The following JAKMIP2 variants were observed in gnomAD, a reference collection of about 807,000 sequenced individuals.
JAKMIP2 encodes the protein janus kinase and microtubule interacting protein 2.
JAKMIP2 carries 25 observed loss-of-function variants against 115.0 expected under a neutral mutation model. That is an observed-to-expected ratio of 0.22 (90% CI 0.16 to 0.30). The LOEUF (loss-of-function observed/expected upper bound fraction) is 0.30, where lower values mean the gene tolerates loss of function less well. JAKMIP2 is among the 10% of genes least tolerant of loss of function. JAKMIP2 has a pLI of 1.00. For synonymous variants in JAKMIP2, 334 were observed against 343.6 expected, an observed-to-expected ratio of 0.97 and a Z score of 0.31; for missense variants, 642 against 957.6, an observed-to-expected ratio of 0.67 and a Z score of 4.35.
At chr5:147,617,681 G>T (rs772150740) in intron 19 of JAKMIP2, among the ~76,000 whole-genome samples, 17 of 152,214 alleles carry the variant, frequency 1.1e-4, no homozygotes, top group Non-Finnish European at 1.5e-5. Context: ...TCTAAAAATA[G>T]TAGCAGTATT....
At chr5:147,695,283 A>G (rs577677978) in intron 1 of JAKMIP2, among the ~76,000 whole-genome samples, 8 of 152,306 alleles carry the variant, frequency 5.3e-5, no homozygotes, top group African/African-American at 1.9e-4. Context: ...CTAAAAAAGA[A>G]AAGAAAATTG....
chr5:147,621,391 A>G (rs1756841001), intron 17 of JAKMIP2, among the ~76,000 whole-genome samples: 2 of 152,160 alleles, frequency 1.3e-5, no homozygotes, highest in Non-Finnish European at 2.9e-5. Context: ...GCACAAGTCA[A>G]TTGTTTCTTT....
intron 1 of JAKMIP2, among the ~76,000 whole-genome samples, chr5:147,750,594 A>AC (rs1561575467): frequency 7.9e-5 from 12 of 151,324 alleles, no homozygotes; most frequent in Non-Finnish European, 1.5e-4. Flanking sequence ...ACACACACAC[A>AC]AAAGAAACCT....
intron 3 of JAKMIP2, among the ~76,000 whole-genome samples, chr5:147,657,002 G>T (rs967389193): frequency 6.6e-6 from 1 of 152,128 alleles, no homozygotes; most frequent in Non-Finnish European, 1.5e-5. Flanking sequence ...GTTGATGGCT[G>T]GGCACTGTGG....
intron 16 of JAKMIP2, among the ~76,000 whole-genome samples, chr5:147,626,000 T>C (rs1364073793): frequency 1.3e-5 from 2 of 152,200 alleles, no homozygotes; most frequent in Non-Finnish European, 2.9e-5. Flanking sequence ...TTATTTTTAA[T>C]ACAAAGTGAC....
chr5:147,656,807 T>A (rs1758698661), intron 3 of JAKMIP2, among the ~76,000 whole-genome samples: 1 of 152,226 alleles, frequency 6.6e-6, no homozygotes, highest in African/African-American at 2.4e-5. Flanking sequence ...TTGGTGTGTT[T>A]TTGCAGTGGC....
At chr5:147,781,924 G>A (rs1293705180) in intron 1 of JAKMIP2, among the ~76,000 whole-genome samples, 1 of 152,088 alleles carries the variant, frequency 6.6e-6, no homozygotes, top group African/African-American at 2.4e-5. Flanking sequence ...ATAAAACTGG[G>A]TCTTGCAAAT....
chr5:147,705,346 T>C (rs1752520625), intron 1 of JAKMIP2, among the ~76,000 whole-genome samples: 1 of 152,168 alleles, frequency 6.6e-6, no homozygotes, highest in Non-Finnish European at 1.5e-5. Context: ...CTTATGCCTA[T>C]AATCCTAGCA....
intron 19 of JAKMIP2, 143 bp from the exon 20 acceptor site, chr5:147,612,514 C>A: frequency 1.8e-6 from 1 of 561,948 alleles, no homozygotes; most frequent in South Asian, 2.3e-5. Flanking sequence ...GTATGTTTTC[C>A]CCACCCAAAA....
chr5:147,682,718 G>A (rs573211115), intron 1 of JAKMIP2, among the ~76,000 whole-genome samples: 2 of 152,250 alleles, frequency 1.3e-5, no homozygotes, highest in East Asian at 1.9e-4. Flanking sequence ...GCTTTATTAT[G>A]GGAAATTTCT....
intron 1 of JAKMIP2, among the ~76,000 whole-genome samples, chr5:147,721,022 T>C (rs1189869775): frequency 6.6e-6 from 1 of 151,624 alleles, no homozygotes; most frequent in Non-Finnish European, 1.5e-5. Flanking sequence ...TACAGATGGG[T>C]TTTTGGTGTG....
chr5:147,601,800 T>G lies in JAKMIP2; in HGVS notation c.2424A>C (p.Leu808=). 1.4e-6 allele frequency: 2 copies of G among 1,405,172 alleles called. No homozygotes were observed. The highest frequency in any genetic ancestry group is 2.5e-5 in the South Asian group (2 of 78,562). 87.0% of individuals were successfully genotyped at this position (1,405,172 alleles called of 1,614,324 possible). A position where few individuals can be genotyped will look rare whatever the true frequency, so the allele number is the denominator to read the frequency against. ...IKDLEEKFLF[L]FLFFSLAFIL... ...TAAAGGCAAGAGAGAAGAACAAGAA[T>G]AGAAACAGAAACTGCAGAAGAAAAA... Residue 808 remains leucine, a synonymous_variant, in exon 21 of 22, where the codon CTA becomes CTC. Transcript: ENST00000616793.
intron 1 of JAKMIP2, among the ~76,000 whole-genome samples, chr5:147,731,819 C>A (rs1239394559): frequency 6.6e-6 from 1 of 152,158 alleles, no homozygotes; most frequent in Non-Finnish European, 1.5e-5. Flanking sequence ...CCATCTGGGG[C>A]TGAGGATGAT....
intron 12 of JAKMIP2, among the ~76,000 whole-genome samples, chr5:147,635,216 T>C (rs1757556422): frequency 6.6e-6 from 1 of 152,090 alleles, no homozygotes; most frequent in Non-Finnish European, 1.5e-5. Flanking sequence ...ACTAGATTTG[T>C]AGAAGGTAAA....
rs569496966 is a variant in JAKMIP2 at position 147,620,562 on chromosome 5, C to A, written c.2142+104G>T. On this transcript the variant is annotated intron_variant, in intron 18 of 21. Coordinates refer to ENST00000616793, the MANE Select transcript of JAKMIP2 (RefSeq NM_001270941.2). ...ACCAGTAAATGAATGAACTGCATGT[C>A]GTGATCTATTCAAGTACATAGCATG... 34 of 666,664 alleles carry A rather than the reference C, an allele frequency of 5.1e-5. 1 individual carries two copies. The South Asian group carries it at 5.7e-4, about 11-fold the overall frequency. 41.3% of individuals were successfully genotyped at this position (666,664 alleles called of 1,614,324 possible).
rs1159882736 is a variant in JAKMIP2, at chr5:147,590,466, T to TA, written c.*1240dup. On this transcript the variant is annotated 3_prime_UTR_variant, in exon 22 of 22. Coordinates refer to ENST00000616793, the MANE Select transcript of JAKMIP2 (RefSeq NM_001270941.2). ...TCAGTAACATAATGTTATTTCCATA[T>TA]AAAAAAGTAGAGCTATCTTGTTGCT... 6.6e-6 allele frequency: 1 copy of TA among 152,186 alleles called. No individual in the cohort carries two copies. Among genetic ancestry groups the TA allele is most frequent in the Non-Finnish European group, 1.5e-5 (1 of 68,024 alleles). 9.4% of individuals were successfully genotyped at this position (152,186 alleles called of 1,614,324 possible).
At chr5:147,624,044 AG>A (rs1484803934) in intron 16 of JAKMIP2, among the ~76,000 whole-genome samples, 3 of 151,970 alleles carry the variant, frequency 2.0e-5, no homozygotes, top group African/African-American at 7.3e-5. Context: ...CATCTTGGCC[AG>A]GCTGGTCTTG....
intron 9 of JAKMIP2, among the ~76,000 whole-genome samples, 181 bp downstream of exon 9, chr5:147,640,523 T>G (rs1236213902): frequency 6.6e-6 from 1 of 152,234 alleles, no homozygotes; most frequent in Non-Finnish European, 1.5e-5. Context: ...AAGGTTTACC[T>G]GCTATAAGTG....
intron 1 of JAKMIP2, among the ~76,000 whole-genome samples, chr5:147,781,149 C>T (rs1264008636): frequency 6.6e-6 from 1 of 152,190 alleles, no homozygotes; most frequent in Non-Finnish European, 1.5e-5. Context: ...TTTGCTCACT[C>T]TCTGGTTTCA....
Sources: allele counts gnomAD v4.1 joint callset (sites outside exome capture counted in the v4.1 genomes callset), GRCh38; gene constraint gnomAD v4.1.1; transcripts MANE v1.5; gene names NCBI Gene and HGNC (gene_info 2026-07-23, HGNC 2026-07-21).